The following DLG2 variants were observed in gnomAD, a reference collection of about 807,000 sequenced individuals.
DLG2 encodes the protein discs large MAGUK scaffold protein 2.
DLG2 carries 45 observed loss-of-function variants against 132.5 expected under a neutral mutation model. The ratio of observed to expected loss-of-function variants is 0.34; its 90% CI spans 0.27 to 0.44. The LOEUF is 0.44. DLG2 is among the 20% of genes least tolerant of loss of function. The pLI is 1.00. For missense variants in DLG2, 1,045 were observed against 1,196.9 expected, an observed-to-expected ratio of 0.87 and a Z score of 1.87; for synonymous variants, 424 against 419.6, an observed-to-expected ratio of 1.01 and a Z score of -0.13.
intron 6 of DLG2, chr11:84,923,000 A>G: frequency 6.4e-6 from 10 of 1,574,332 alleles, no homozygotes; most frequent in Non-Finnish European, 8.7e-6. Flanking sequence ...AAAGTCCTGA[A>G]GCTACACAAG....
intron 16 of DLG2, among the ~76,000 whole-genome samples, chr11:83,873,338 C>T (rs992708689): frequency 2.0e-5 from 3 of 152,144 alleles, no homozygotes; most frequent in African/African-American, 4.8e-5. Context: ...TCATCTTAAA[C>T]TGTACTCCTA....
Position 85,516,738 on chromosome 11 carries a change from C to T in DLG2, c.40+81919G>A, listed in dbSNP as rs191227143. On this transcript the variant is annotated intron_variant, in intron 3 of 27. Transcript: ENST00000376104. ...GATTGAACCCTAAAAATACAGAAAC[C>T]CTAAAAAGACCAAAATGAGTAGTGA... 2.0e-5 allele frequency among the ~76,000 whole-genome samples: 3 copies of T among 151,934 alleles called. No homozygotes were observed. In the East Asian group the frequency reaches 5.8e-4, roughly 29 times the overall value.
intron 9 of DLG2, among the ~76,000 whole-genome samples, chr11:84,133,410 C>G (rs1412554908): frequency 6.6e-6 from 1 of 151,850 alleles, no homozygotes; most frequent in Non-Finnish European, 1.5e-5. Context: ...CTCAAAATGG[C>G]CAGTGTGGGC....
chr11:85,259,678 AAAGCTTCCCATCTG>A (rs1205745658), intron 4 of DLG2, among the ~76,000 whole-genome samples: 2 of 151,772 alleles, frequency 1.3e-5, no homozygotes, highest in African/African-American at 4.8e-5. Context: ...GGACTCCTAT[AAAGCTTCCCATCTG>A]AACCTGTCTC....
intron 9 of DLG2, among the ~76,000 whole-genome samples, chr11:84,136,264 A>G (rs2094597791): frequency 6.6e-6 from 1 of 152,172 alleles, no homozygotes; most frequent in South Asian, 2.1e-4. Flanking sequence ...AATGACTTTC[A>G]TAGAAGTTAT....
At chr11:85,124,129 T>C (rs773350142) in intron 5 of DLG2, among the ~76,000 whole-genome samples, 10 of 152,236 alleles carry the variant, frequency 6.6e-5, no homozygotes, top group Non-Finnish European at 1.3e-4. Context: ...ATTGGCTATG[T>C]GTATACATAG....
chr11:84,304,808 G>A (rs61899210), intron 7 of DLG2, among the ~76,000 whole-genome samples: 32,727 of 152,114 alleles, frequency 0.22, 3,638 homozygotes, highest in East Asian at 0.28. Context: ...TTTGGCCTGT[G>A]GCTGTAGTTT....
intron 10 of DLG2, among the ~76,000 whole-genome samples, chr11:84,066,409 A>G (rs1257411568): frequency 6.6e-6 from 1 of 152,160 alleles, no homozygotes; most frequent in Non-Finnish European, 1.5e-5. Flanking sequence ...TCTGACCAGC[A>G]CACTTAACTC....
At chr11:84,205,765 T>C (rs1266990392) in intron 8 of DLG2, among the ~76,000 whole-genome samples, 1 of 152,002 alleles carries the variant, frequency 6.6e-6, no homozygotes, top group Non-Finnish European at 1.5e-5. Flanking sequence ...AAACCAATGA[T>C]CTAAGCTTCT....
chr11:83,796,738 A>G (rs1443826311), intron 17 of DLG2, among the ~76,000 whole-genome samples: 1 of 152,204 alleles, frequency 6.6e-6, no homozygotes, highest in African/African-American at 2.4e-5. Flanking sequence ...AGATAAACAC[A>G]GTATTGAAAT....
chr11:84,636,857 C>T lies in DLG2; in HGVS notation c.358-102126G>A, dbSNP rs139126933. On this transcript the variant is annotated intron_variant, in intron 6 of 27. Transcript: ENST00000376104. ...AGTGCAGTGGCACGATTTTGGCACA[C>T]CACAACCTCCCACTCCAAGGTTCAA... is the stretch of plus-strand genomic sequence containing the variant. Among the ~76,000 whole-genome samples, 421 of 151,932 alleles carry T rather than the reference C, an allele frequency of 2.8e-3. 1 individual carries two copies. Among genetic ancestry groups the T allele is most frequent in the African/African-American group, 9.5e-3 (392 of 41,436 alleles).
chr11:84,307,618 C>T (rs912042432), intron 7 of DLG2, among the ~76,000 whole-genome samples: 1 of 149,610 alleles, frequency 6.7e-6, no homozygotes, highest in East Asian at 2.0e-4. Context: ...ATGGCGTGAA[C>T]CCGGGAAGCA....
chr11:84,397,636 G>T (rs972488456), intron 7 of DLG2, among the ~76,000 whole-genome samples: 3 of 152,188 alleles, frequency 2.0e-5, no homozygotes, highest in Admixed American at 1.3e-4. Flanking sequence ...ATGACTATGT[G>T]GTCAACAGCC....
intron 6 of DLG2, among the ~76,000 whole-genome samples, chr11:84,639,172 C>T (rs1262002295): frequency 5.9e-5 from 9 of 152,106 alleles, no homozygotes; most frequent in Admixed American, 1.3e-4. Flanking sequence ...GGATCCCAGA[C>T]TCTAGCATTT....
chr11:85,554,079 C>G (rs1190025133), intron 3 of DLG2, among the ~76,000 whole-genome samples: 1 of 150,752 alleles, frequency 6.6e-6, no homozygotes, highest in African/African-American at 2.4e-5. Context: ...ATACTGAAAA[C>G]TTCTATCCAA....
chr11:85,001,594 G>A (rs1592486927), intron 6 of DLG2, among the ~76,000 whole-genome samples: 2 of 152,132 alleles, frequency 1.3e-5, no homozygotes, highest in Non-Finnish European at 2.9e-5. Flanking sequence ...AGCTTTAACT[G>A]AAGAGCTTTT....
At chr11:84,751,603 A>C (rs2066122001) in intron 6 of DLG2, among the ~76,000 whole-genome samples, 1 of 152,140 alleles carries the variant, frequency 6.6e-6, no homozygotes, top group African/African-American at 2.4e-5. Context: ...GCATAGCAAA[A>C]ATCGGCTGTG....
At chr11:85,539,955 G>C (rs374497852) in intron 3 of DLG2, among the ~76,000 whole-genome samples, 1 of 152,174 alleles carries the variant, frequency 6.6e-6, no homozygotes, top group Non-Finnish European at 1.5e-5. Flanking sequence ...CCTAGTTTGC[G>C]AGTGCAAAAA....
intron 6 of DLG2, among the ~76,000 whole-genome samples, chr11:84,929,714 AAG>A (rs2154090544): frequency 6.6e-6 from 1 of 152,266 alleles, no homozygotes; most frequent in South Asian, 2.1e-4. Flanking sequence ...AACTTAATGC[AAG>A]AGATGCTTTG....
Sources: allele counts gnomAD v4.1 joint callset (sites outside exome capture counted in the v4.1 genomes callset), GRCh38; gene constraint gnomAD v4.1.1; transcripts MANE v1.5; gene names NCBI Gene and HGNC (gene_info 2026-07-23, HGNC 2026-07-21).